Variants in TMEM120B observed in about 807,000 individuals in gnomAD.
The protein encoded by TMEM120B is transmembrane protein 120B.
TMEM120B carries 31 observed loss-of-function variants against 55.5 expected under a neutral mutation model. The ratio of observed to expected loss-of-function variants is 0.56; its 90% CI spans 0.42 to 0.75. The LOEUF is 0.75. Ranked by LOEUF, TMEM120B falls within the 30% of genes least tolerant of loss-of-function variation. The probability of loss-of-function intolerance (pLI) is 0.00; values close to 1 mark genes in which losing one functional copy is unlikely to be tolerated. For synonymous variants in TMEM120B, 203 were observed against 176.3 expected (o/e 1.15, Z -1.20); for missense variants, 399 against 425.5 (o/e 0.94, Z 0.55).
intron 5 of TMEM120B, among the ~76,000 whole-genome samples, chr12:121,754,486 G>T (rs1447368140): frequency 6.6e-6 from 1 of 152,220 alleles, no homozygotes; most frequent in Non-Finnish European, 1.5e-5. Flanking sequence ...GAAGCCGGCG[G>T]TCTGAAAGCA....
chr12:121,761,133 C>A (rs979914024), intron 5 of TMEM120B, among the ~76,000 whole-genome samples: 1 of 152,110 alleles, frequency 6.6e-6, no homozygotes, highest in African/African-American at 2.4e-5. Context: ...TGTGTGCCAC[C>A]ACACCCTGGT....
In TMEM120B at chr12:121,748,333, C is replaced by T. The variant is rs143402162; in HGVS notation, c.196C>T (p.Arg66Cys). Residue 66 changes from arginine (R) to cysteine (C), a missense_variant, in exon 3 of 12, where the codon CGC becomes TGC. Transcript: ENST00000449592. ...CTGCATCTCTGTCCGCAGGTGCAAA[C>T]GCCATGCCAGTCGGGAGGAGGCGGA... ...DLKLTLQRCK[R>C]HASREEAELV... The T allele has an allele frequency of 1.2e-3, 2,003 of 1,609,942 alleles. 18 individuals are homozygous for T. The African/African-American group carries it at 0.024, about 19-fold the overall frequency.
chr12:121,775,191 G>T lies in TMEM120B; in HGVS notation c.906+61G>T. 6.9e-7 allele frequency: 1 copy of T among 1,452,174 alleles called. No homozygotes were observed. The highest frequency in any genetic ancestry group is 9.4e-7 in the Non-Finnish European group (1 of 1,058,554). 90.0% of individuals were successfully genotyped at this position (1,452,174 alleles called of 1,614,324 possible). A position where few individuals can be genotyped will look rare whatever the true frequency, so the allele number is the denominator to read the frequency against. On this transcript the variant is annotated intron_variant, in intron 11 of 11. Coordinates refer to ENST00000449592, the MANE Select transcript of TMEM120B (RefSeq NM_001080825.2). This position sits in a 1 kb window ranked among gnomAD's most constrained non-coding sequence, Gnocchi z 4.3. Reference sequence around the variant, plus strand: ...CGGGAGGGCTGGGGTGGCAGGGATGGGGTGTATGTGTGGCATGCTGGGGTG... The same window carrying T: ...CGGGAGGGCTGGGGTGGCAGGGATGTGGTGTATGTGTGGCATGCTGGGGTG...
chr12:121,766,325 A>G (rs1271975075), intron 6 of TMEM120B, among the ~76,000 whole-genome samples: 1 of 152,214 alleles, frequency 6.6e-6, no homozygotes, highest in African/African-American at 2.4e-5. Flanking sequence ...AAACTTGAAA[A>G]TGATGGAAAA....
intron 5 of TMEM120B, among the ~76,000 whole-genome samples, chr12:121,757,818 T>C (rs1873530116): frequency 1.3e-5 from 2 of 152,002 alleles, no homozygotes; most frequent in African/African-American, 2.4e-5. Flanking sequence ...GCCCAGCCGA[T>C]TTTTTTGTAT....
chr12:121,728,422 G>A (rs964515154), intron 1 of TMEM120B, among the ~76,000 whole-genome samples: 1 of 151,652 alleles, frequency 6.6e-6, no homozygotes, highest in Admixed American at 6.6e-5. Context: ...TTGGGAGATG[G>A]AGCTTGCAGT....
rs759535350 is a variant in TMEM120B at position 121,771,521 on chromosome 12, C to T, written c.651C>T (p.Asn217=). The part of the protein sequence containing the change: ...PNGPIYQKFR[N]QFLAFSIFQS... ...GACCCATTTATCAGAAGTTTCGCAA[C>T]CAGTTCTTAGCATTTTCCATTTTTC... The change falls in exon 8 of 12, where the codon AAC becomes AAT. Residue 217 remains asparagine (N), a synonymous_variant. Transcript: ENST00000449592. 6.2e-7 allele frequency: 1 copy of T among 1,614,100 alleles called. No individual in the cohort carries two copies. The highest frequency in any genetic ancestry group is 1.1e-5 in the South Asian group (1 of 91,082).
In TMEM120B at chr12:121,780,342, G is replaced by T; in HGVS notation, c.*4620G>T. 6.1e-6 allele frequency: 1 copy of T among 162,628 alleles called. No individual in the cohort carries two copies. The highest frequency in any genetic ancestry group is 1.4e-5 in the Non-Finnish European group (1 of 73,010). The allele number at this position is 162,628 out of a possible 1,614,324, so 10.1% of individuals were successfully genotyped here. A position where few individuals can be genotyped will look rare whatever the true frequency, so the allele number is the denominator to read the frequency against. ...CAAAGTGCTGGGATTACAGGCGTGA[G>T]CCACTATGCCCGGCCGGATTTGCCC... On this transcript the variant is annotated 3_prime_UTR_variant, in exon 12 of 12. Coordinates refer to ENST00000449592, the MANE Select transcript of TMEM120B (RefSeq NM_001080825.2).
chr12:121,752,142 A>T lies in TMEM120B; in HGVS notation c.380A>T (p.Asp127Val). The T allele has an allele frequency of 6.2e-7, 1 of 1,613,284 alleles. No individual in the cohort carries two copies. The highest frequency in any genetic ancestry group is 8.5e-7 in the Non-Finnish European group (1 of 1,179,840). ...LSNQAKFAYK[D>V]EYEKFKLYLT... ...TGTCGTGGCAGGTTCGCCTACAAGG[A>T]CGAATATGAGAAGTTCAAGCTCTAC... Residue 127 changes from aspartate (D) to valine (V), a missense_variant, in exon 5 of 12, where the codon GAC becomes GTC. Around this residue, in one of 3 missense-constraint regions of TMEM120B, gnomAD observed 260 missense variants for 303.9 expected, o/e 0.86. Transcript: ENST00000449592.
rs933970915 is a variant in TMEM120B, at chr12:121,767,720, C to T, written c.552-3187C>T. Among the ~76,000 whole-genome samples, 10 of 152,284 alleles carry T rather than the reference C, an allele frequency of 6.6e-5. No homozygotes were observed. The South Asian group carries it at 8.3e-4, about 13-fold the overall frequency. On this transcript the variant is annotated intron_variant, in intron 6 of 11. Coordinates refer to ENST00000449592, the MANE Select transcript of TMEM120B (RefSeq NM_001080825.2). ...CAGAGCCCCGGGGTGTGCAGATGGA[C>T]GCCTGGGCTTGTGAATGCCGGGCCA...
chr12:121,742,538 A>G (rs1355170533), intron 1 of TMEM120B, among the ~76,000 whole-genome samples: 2 of 152,136 alleles, frequency 1.3e-5, no homozygotes, highest in Admixed American at 1.3e-4. Flanking sequence ...GTATCATTCT[A>G]ATTTTGGTAC....
intron 1 of TMEM120B, among the ~76,000 whole-genome samples, chr12:121,713,884 T>C (rs1166498772): frequency 6.6e-6 from 1 of 152,174 alleles, no homozygotes; most frequent in African/African-American, 2.4e-5. Context: ...TGAAATTACA[T>C]TGCACACTAT....
At chr12:121,732,519 A>G (rs952975534) in intron 1 of TMEM120B, among the ~76,000 whole-genome samples, 1 of 152,188 alleles carries the variant, frequency 6.6e-6, no homozygotes, top group Non-Finnish European at 1.5e-5. Context: ...CGGATTAACC[A>G]TTCTTATCCA....
In TMEM120B at chr12:121,746,181, G is replaced by GCC. The variant is rs201803913; in HGVS notation, c.189-2139_189-2138dup. Among the ~76,000 whole-genome samples the GCC allele has an allele frequency of 5.0e-4, 71 of 142,798 alleles. 1 individual carries two copies. Among genetic ancestry groups the GCC allele is most frequent in the African/African-American group, 1.9e-3 (69 of 37,200 alleles). 93.7% of individuals were successfully genotyped at this position (142,798 alleles called of 152,430 possible). A position where few individuals can be genotyped will look rare whatever the true frequency, so the allele number is the denominator to read the frequency against. ...CAGCCCCTGGTTGTTTTCTTAAACC[G>GCC]CCCCCCCACTTTTTTTTTTTTTTGA... On this transcript the variant is annotated intron_variant, in intron 2 of 11. Coordinates refer to ENST00000449592, the MANE Select transcript of TMEM120B (RefSeq NM_001080825.2).
At chr12:121,739,940 G>A (rs1489325674) in intron 1 of TMEM120B, among the ~76,000 whole-genome samples, 4 of 150,724 alleles carry the variant, frequency 2.7e-5, no homozygotes, top group East Asian at 2.0e-4. Flanking sequence ...CACCATGCCC[G>A]GCTAATTTTT....
At chr12:121,726,907 C>CAAAAAAAAA (rs71305665) in intron 1 of TMEM120B, among the ~76,000 whole-genome samples, 36 of 73,708 alleles carry the variant, frequency 4.9e-4, no homozygotes, top group African/African-American at 1.4e-3. Flanking sequence ...GACTCTGTCT[C>CAAAAAAAAA]AAAAAAAAAA....
chr12:121,760,509 A>C (rs1030754343), intron 5 of TMEM120B, among the ~76,000 whole-genome samples: 2 of 152,038 alleles, frequency 1.3e-5, no homozygotes, highest in Non-Finnish European at 2.9e-5. Context: ...TGTTTCCTGG[A>C]GTTGCACACA....
chr12:121,770,317 A>ACCAGTGT (rs1351390338), intron 6 of TMEM120B, among the ~76,000 whole-genome samples: 1 of 152,062 alleles, frequency 6.6e-6, no homozygotes, highest in Non-Finnish European at 1.5e-5. Context: ...CAGAGACACC[A>ACCAGTGT]GTCACACTGG....
At position 121,766,429 on chromosome 12, in the gene TMEM120B, A is replaced by G. The variant is rs150385120; in HGVS notation, c.552-4478A>G. 6.9e-3 allele frequency among the ~76,000 whole-genome samples: 1,056 copies of G among 152,288 alleles called. 8 individuals are homozygous for G. The highest frequency in any genetic ancestry group is 0.02 in the African/African-American group (848 of 41,552). On this transcript the variant is annotated intron_variant, in intron 6 of 11. Coordinates refer to ENST00000449592, the MANE Select transcript of TMEM120B (RefSeq NM_001080825.2). Reference sequence around the variant, plus strand: ...GGTCAGGAGGGCTCAGGAGGTGTTCATGGCCCGGCTCCAGCTCCCTGTTCT... The same window carrying G: ...GGTCAGGAGGGCTCAGGAGGTGTTCGTGGCCCGGCTCCAGCTCCCTGTTCT...
Sources: gnomAD v4.1 joint callset for allele counts (sites outside exome capture counted in the v4.1 genomes callset) on GRCh38, gnomAD v4.1.1 for gene constraint, gnomAD v4.1.1 regional missense constraint, Gnocchi (gnomAD v3.1) non-coding constraint, MANE v1.5 for transcripts, NCBI Gene and HGNC (gene_info 2026-07-23, HGNC 2026-07-21) for gene names.